Variants in SREK1 observed in about 807,000 individuals in gnomAD.
The protein encoded by SREK1 is splicing regulatory glutamine/lysine-rich protein 1.
In SREK1, 13 loss-of-function variants were observed where a neutral mutation model predicts 66.5. The observed-to-expected ratio is 0.20, with a 90% confidence interval of 0.13 to 0.31. The LOEUF (loss-of-function observed/expected upper bound fraction) is 0.31. Among genes scored for constraint, SREK1 ranks in the 10% least tolerant of loss-of-function variants. SREK1 has a pLI of 1.00. For synonymous variants in SREK1, 265 were observed against 263.5 expected, an observed-to-expected ratio of 1.01 and a Z score of -0.05; for missense variants, 607 against 769.6, an observed-to-expected ratio of 0.79 and a Z score of 2.50.
rs1744957948 is a variant in SREK1 at position 66,163,877 on chromosome 5, C to T, written c.841C>T (p.Arg281Ter). The change falls in exon 6 of 12, where the codon CGA (arginine) becomes TGA (stop). Residue 281 changes from arginine (R) to a stop codon, truncating the protein, a stop_gained. Transcript: ENST00000334121. LOFTEE classifies it high-confidence loss of function. ...AAKELEEVMK[R>*]VREAQSFISA... ...TAAGGAGTTAGAAGAAGTAATGAAG[C>T]GAGTACGAGAAGCTCAGTCATTTAT... 2 of 1,613,578 alleles carry T rather than the reference C, an allele frequency of 1.2e-6. No individual in the cohort carries two copies. Among genetic ancestry groups the T allele is most frequent in the Non-Finnish European group, 1.7e-6 (2 of 1,179,640 alleles).
chr5:66,171,639 A>G (rs1703859433), intron 9 of SREK1, among the ~76,000 whole-genome samples: 1 of 152,152 alleles, frequency 6.6e-6, no homozygotes, highest in Non-Finnish European at 1.5e-5. Flanking sequence ...TAAAAATACT[A>G]AATATATATA....
chr5:66,174,976 T>C lies in SREK1; in HGVS notation c.1515T>C (p.Ser505=), dbSNP rs1406087716. 2.5e-6 allele frequency: 4 copies of C among 1,612,986 alleles called. No homozygotes were observed. The African/African-American group carries it at 5.3e-5, about 22-fold the overall frequency. Residue 505 remains serine, a synonymous_variant, in exon 10 of 12, where the codon TCT becomes TCC. Transcript: ENST00000334121. ...GGCGTAGGAGGAGGAGCAGGAGTTC[T>C]TCCAGATCGCCAAGAACATCAAAAA... The part of the protein sequence containing the change: ...RERRRRRSRS[S]SRSPRTSKTI...
chr5:66,153,028 G>A (rs976718632), intron 1 of SREK1, among the ~76,000 whole-genome samples: 6 of 152,184 alleles, frequency 3.9e-5, no homozygotes, highest in African/African-American at 4.8e-5. Flanking sequence ...TTCTAAGACT[G>A]TTGTGAAGTT....
At chr5:66,162,025 C>G in intron 3 of SREK1, 84 bp from the exon 4 acceptor site, 3 of 1,482,892 alleles carry the variant, frequency 2.0e-6, no homozygotes, top group Non-Finnish European at 2.7e-6. Flanking sequence ...TGAGTTAGTT[C>G]ATTCTTTTCA....
Position 66,170,615 on chromosome 5 carries a change from C to A in SREK1, c.1152C>A (p.Ile384=), listed in dbSNP as rs372628083. The A allele has an allele frequency of 5.6e-6, 9 of 1,600,952 alleles. No individual in the cohort carries two copies. The highest frequency in any genetic ancestry group is 7.7e-6 in the Non-Finnish European group (9 of 1,175,766). ...AGAGAAAAGACACTCGAGAAAAGATCAAGGAAAAGGAAAGAGTGAAAGAGA... is the reference window on the plus strand; with the variant it reads ...AGAGAAAAGACACTCGAGAAAAGATAAAGGAAAAGGAAAGAGTGAAAGAGA... ...RDKRKDTREK[I]KEKERVKEKD... Residue 384 remains isoleucine (I), a synonymous_variant, in exon 9 of 12, where the codon ATC becomes ATA. Coordinates refer to ENST00000334121, the MANE Select transcript of SREK1 (RefSeq NM_001077199.3).
rs1323618945 is a variant in SREK1 at position 66,163,913 on chromosome 5, A to G, written c.877A>G (p.Ile293Val). Residue 293 changes from isoleucine to valine, a missense_variant, in exon 6 of 12, where the codon ATT (isoleucine) becomes GTT (valine). Physicochemically the swap from Ile to Val is conservative, Grantham distance 29 (BLOSUM62 3). Coordinates refer to ENST00000334121, the MANE Select transcript of SREK1 (RefSeq NM_001077199.3). ...REAQSFISAA[I>V]EPESGKSNER... Reference sequence around the variant, plus strand: ...AGCTCAGTCATTTATCTCAGCAGCTATTGAACCAGGTAAGTACATAACGTT... The same window carrying G: ...AGCTCAGTCATTTATCTCAGCAGCTGTTGAACCAGGTAAGTACATAACGTT... 5.6e-6 allele frequency: 9 copies of G among 1,613,432 alleles called. No homozygotes were observed. Among genetic ancestry groups the G allele is most frequent in the Non-Finnish European group, 7.6e-6 (9 of 1,179,536 alleles).
intron 4 of SREK1, 29 bp downstream of exon 4, chr5:66,162,302 C>CAGT (rs1433024342): frequency 6.2e-7 from 1 of 1,612,168 alleles, no homozygotes; most frequent in Non-Finnish European, 8.5e-7. Flanking sequence ...AACAAAGCAG[C>CAGT]AGTAGCCCTT....
At chr5:66,165,022 T>G (rs1745061492) in intron 7 of SREK1, 125 bp downstream of exon 7, 5 of 850,844 alleles carry the variant, frequency 5.9e-6, no homozygotes, top group Non-Finnish European at 8.7e-6. Flanking sequence ...TGAAGTGTGG[T>G]TACCTTTAAA....
rs144469209 is a variant in SREK1, at chr5:66,146,004, A to C, written c.161+1467A>C. On this transcript the variant is annotated intron_variant, in intron 1 of 11. Transcript: ENST00000334121. Reference sequence around the variant, plus strand: ...TATATAGAGATATGTGTATATATATATCTTTATATTCGTGACGAGATTCAG... The same window carrying C: ...TATATAGAGATATGTGTATATATATCTCTTTATATTCGTGACGAGATTCAG... 4.2e-3 allele frequency among the ~76,000 whole-genome samples: 642 copies of C among 151,990 alleles called. 3 individuals are homozygous for C. The highest frequency in any genetic ancestry group is 0.014 in the African/African-American group (590 of 41,424).
rs1746624710 is a variant in SREK1, at chr5:66,183,062, T to A, written c.*4194T>A. ...ATGTTTATAAAAGGTTTTAAGTCTG[T>A]TGCCTGATTTTTAAATTTATATCTA... On this transcript the variant is annotated 3_prime_UTR_variant, in exon 12 of 12. Transcript: ENST00000334121. 1 of 152,220 alleles carries A rather than the reference T, an allele frequency of 6.6e-6. No homozygotes were observed. The highest frequency in any genetic ancestry group is 2.1e-4 in the South Asian group (1 of 4,838). The allele number at this position is 152,220 out of a possible 1,614,324, so 9.4% of individuals were successfully genotyped here. A position where few individuals can be genotyped will look rare whatever the true frequency, so the allele number is the denominator to read the frequency against.
chr5:66,145,307 AT>A (rs1042028488), intron 1 of SREK1: 1 of 368,036 alleles, frequency 2.7e-6, no homozygotes, highest in Non-Finnish European at 3.8e-6. Context: ...CTCGTACGAT[AT>A]TATTTAGAAA....
At position 66,148,094 on chromosome 5, in the gene SREK1, A is replaced by G. The variant is rs1294365938; in HGVS notation, c.161+3557A>G. On this transcript the variant is annotated intron_variant, in intron 1 of 11. Transcript: ENST00000334121. ...AGGTGTGTCTTTTTGATTGTCAACA[A>G]TGATTAGAGGGCCTGTTGGCATTTA... is the stretch of plus-strand genomic sequence containing the variant. 5.9e-5 allele frequency among the ~76,000 whole-genome samples: 9 copies of G among 151,992 alleles called. 1 individual carries two copies. The highest frequency in any genetic ancestry group is 4.4e-5 in the Non-Finnish European group (3 of 67,990).
At chr5:66,165,038 T>A (rs915958757) in intron 7 of SREK1, 141 bp downstream of exon 7, 4 of 723,914 alleles carry the variant, frequency 5.5e-6, no homozygotes, top group Non-Finnish European at 8.6e-6. Flanking sequence ...TTAAATATTG[T>A]TCTAATTGTA....
intron 5 of SREK1, chr5:66,163,065 A>G (rs1174045289): frequency 6.6e-6 from 1 of 152,438 alleles, no homozygotes; most frequent in Non-Finnish European, 1.5e-5. Flanking sequence ...TTGTTTGTAA[A>G]ACGTTGATAA....
In SREK1 at chr5:66,179,548, A is replaced by G. The variant is rs1746342612; in HGVS notation, c.*680A>G. On this transcript the variant is annotated 3_prime_UTR_variant, in exon 12 of 12. Coordinates refer to ENST00000334121, the MANE Select transcript of SREK1 (RefSeq NM_001077199.3). The stretch of plus-strand genomic sequence containing the variant: ...TCAAAAGGAAGAGCAACCGTGTTGA[A>G]TACTAATAATGATGAATTAGTATTC... The G allele has an allele frequency of 6.6e-6, 1 of 152,554 alleles. No individual in the cohort carries two copies. The highest frequency in any genetic ancestry group is 2.4e-5 in the African/African-American group (1 of 41,452). 9.5% of individuals were successfully genotyped at this position (152,554 alleles called of 1,614,324 possible). A position where few individuals can be genotyped will look rare whatever the true frequency, so the allele number is the denominator to read the frequency against.
intron 11 of SREK1, among the ~76,000 whole-genome samples, chr5:66,178,148 A>G (rs953535479): frequency 6.6e-6 from 1 of 152,210 alleles, no homozygotes; most frequent in East Asian, 1.9e-4. Flanking sequence ...TTTGGAAATT[A>G]TGAATTTTGG....
chr5:66,172,054 A>G (rs947013611), intron 9 of SREK1, among the ~76,000 whole-genome samples: 6 of 152,044 alleles, frequency 3.9e-5, no homozygotes, highest in Admixed American at 6.5e-5. Context: ...AAGCAGTAGT[A>G]TATGTTAAAA....
Position 66,144,856 on chromosome 5 carries a change from A to C in SREK1, c.161+319A>C, listed in dbSNP as rs899402522. ...CCTCTTATTTCCCCCCGAACTTAAG[A>C]TGGCCGCAGGTGGGCCCGGAACAGC... On this transcript the variant is annotated intron_variant, in intron 1 of 11. Transcript: ENST00000334121. 2.8e-5 allele frequency: 29 copies of C among 1,054,084 alleles called. No homozygotes were observed. In the African/African-American group the frequency reaches 4.2e-4, roughly 15 times the overall value. 65.3% of individuals were successfully genotyped at this position (1,054,084 alleles called of 1,614,324 possible).
rs1191366526 is a variant in SREK1 at position 66,153,509 on chromosome 5, C to T, written c.208C>T (p.Arg70Cys). Residue 70 changes from arginine (R) to cysteine (C), a missense_variant, in exon 2 of 12, where the codon CGT (arginine) becomes TGT (cysteine). Coordinates refer to ENST00000334121, the MANE Select transcript of SREK1 (RefSeq NM_001077199.3). ...FSSKVCYVKFRDPSSVGVAQH... is the reference protein window; with the variant it reads ...FSSKVCYVKFCDPSSVGVAQH... The stretch of plus-strand genomic sequence containing the variant: ...CTCCAAAGTATGTTATGTTAAGTTT[C>T]GTGATCCATCAAGTGTTGGCGTGGC... 4.3e-6 allele frequency: 7 copies of T among 1,613,958 alleles called. No individual in the cohort carries two copies. The highest frequency in any genetic ancestry group is 2.7e-5 in the African/African-American group (2 of 75,028).
Sources: gnomAD v4.1 joint callset for allele counts (sites outside exome capture counted in the v4.1 genomes callset) on GRCh38, gnomAD v4.1.1 for gene constraint, MANE v1.5 for transcripts, NCBI Gene and HGNC (gene_info 2026-07-23, HGNC 2026-07-21) for gene names.